Variants in GUCY1A2 observed in about 807,000 individuals in gnomAD.
GUCY1A2 encodes the protein guanylate cyclase soluble subunit alpha-2.
A neutral mutation model predicts 63.5 loss-of-function variants in GUCY1A2; 27 were observed. The observed-to-expected ratio is 0.43, with a 90% CI of 0.31 to 0.59. The LOEUF is 0.59. Ranked by LOEUF, GUCY1A2 falls within the 20% of genes least tolerant of loss-of-function variation. GUCY1A2 has a pLI of 0.11. For synonymous variants in GUCY1A2, 364 were observed against 343.5 expected (o/e 1.06, Z -0.66); for missense variants, 768 against 913.3 (o/e 0.84, Z 2.05).
At chr11:106,929,856 TATG>T (rs1426908814) in intron 4 of GUCY1A2, among the ~76,000 whole-genome samples, 71 of 150,266 alleles carry the variant, frequency 4.7e-4, no homozygotes, top group Admixed American at 1.6e-3. Flanking sequence ...CTAATTTTTA[TATG>T]ATAACTATTT....
At chr11:106,930,353 C>G (rs1349186374) in intron 4 of GUCY1A2, among the ~76,000 whole-genome samples, 1 of 152,192 alleles carries the variant, frequency 6.6e-6, no homozygotes, top group Non-Finnish European at 1.5e-5. Flanking sequence ...GAGACAGAGT[C>G]TCGCTCTGTC....
intron 3 of GUCY1A2, among the ~76,000 whole-genome samples, chr11:106,946,704 A>G (rs1308992257): frequency 6.6e-6 from 1 of 152,154 alleles, no homozygotes; most frequent in African/African-American, 2.4e-5. Flanking sequence ...AGCTAAATAT[A>G]TAAAGCAAAA....
rs992554781 is a variant in GUCY1A2 at position 106,678,026 on chromosome 11, G to C, written c.*9523C>G. 1.0e-4 allele frequency: 21 copies of C among 202,062 alleles called. No individual in the cohort carries two copies. The highest frequency in any genetic ancestry group is 3.0e-4 in the African/African-American group (13 of 43,504). The allele number at this position is 202,062 out of a possible 1,614,324, so 12.5% of individuals were successfully genotyped here. Reference sequence around the variant, plus strand: ...AAATAAATGAATTTTATGAGTGCCTGGTGACACACTTGAAACAAATTTTAA... The same window carrying C: ...AAATAAATGAATTTTATGAGTGCCTCGTGACACACTTGAAACAAATTTTAA... On this transcript the variant is annotated 3_prime_UTR_variant, in exon 8 of 8. Transcript: ENST00000526355.
intron 4 of GUCY1A2, among the ~76,000 whole-genome samples, chr11:106,849,774 A>T (rs937413034): frequency 7.2e-5 from 11 of 151,762 alleles, no homozygotes; most frequent in Non-Finnish European, 1.6e-4. Context: ...CTAATATTCC[A>T]TCCAAACTGA....
chr11:106,730,954 T>C (rs1193546108), intron 6 of GUCY1A2, among the ~76,000 whole-genome samples: 2 of 152,168 alleles, frequency 1.3e-5, no homozygotes, highest in African/African-American at 4.8e-5. Flanking sequence ...GCCCACTTTT[T>C]AATGAAGTTG....
chr11:106,691,145 CT>C (rs1173626089), intron 7 of GUCY1A2, among the ~76,000 whole-genome samples: 5 of 152,028 alleles, frequency 3.3e-5, no homozygotes, highest in South Asian at 2.1e-4. Context: ...ATCAATCAAA[CT>C]TTTTTTTAGT....
chr11:106,953,642 T>C (rs1456514062), intron 3 of GUCY1A2, among the ~76,000 whole-genome samples: 5 of 152,148 alleles, frequency 3.3e-5, no homozygotes, highest in African/African-American at 9.6e-5. Flanking sequence ...TGTGAATCCA[T>C]CTGGTCCTTG....
chr11:106,764,528 T>C (rs946355542), intron 6 of GUCY1A2, among the ~76,000 whole-genome samples: 2 of 152,222 alleles, frequency 1.3e-5, no homozygotes, highest in Non-Finnish European at 2.9e-5. Context: ...CCATGGTCCA[T>C]GATTGTTGTA....
chr11:106,714,890 A>T (rs1297648869), intron 6 of GUCY1A2, among the ~76,000 whole-genome samples: 2 of 152,214 alleles, frequency 1.3e-5, no homozygotes, highest in South Asian at 4.1e-4. Flanking sequence ...CTAGCAACCT[A>T]TTAATCTTGG....
At chr11:106,773,482 T>C (rs969289536) in intron 6 of GUCY1A2, among the ~76,000 whole-genome samples, 3 of 152,252 alleles carry the variant, frequency 2.0e-5, no homozygotes, top group African/African-American at 7.2e-5. Context: ...AAACTATTCT[T>C]GTGTGTGACT....
At chr11:106,876,365 A>G (rs1042035431) in intron 4 of GUCY1A2, among the ~76,000 whole-genome samples, 7 of 152,092 alleles carry the variant, frequency 4.6e-5, no homozygotes, top group Non-Finnish European at 7.4e-5. Flanking sequence ...AAACAGATAC[A>G]ATATAAAATA....
intron 5 of GUCY1A2, among the ~76,000 whole-genome samples, chr11:106,799,934 C>T (rs377025639): frequency 0.038 from 5,801 of 152,038 alleles, 276 homozygotes; most frequent in African/African-American, 0.11. Flanking sequence ...CAAAAGAAAC[C>T]ACCATCAGAG....
At chr11:106,713,545 T>C (rs931915925) in intron 6 of GUCY1A2, among the ~76,000 whole-genome samples, 8 of 132,288 alleles carry the variant, frequency 6.0e-5, no homozygotes, top group Non-Finnish European at 9.2e-5. Flanking sequence ...CTCGTCCTGT[T>C]GCCCAGGCTG....
intron 4 of GUCY1A2, among the ~76,000 whole-genome samples, chr11:106,913,515 T>C (rs764898575): frequency 5.9e-5 from 9 of 152,234 alleles, no homozygotes; most frequent in Non-Finnish European, 8.8e-5. Context: ...TGGTCAGTCA[T>C]GAAGGATCCA....
intron 7 of GUCY1A2, among the ~76,000 whole-genome samples, chr11:106,693,630 G>A (rs1484510706): frequency 6.6e-6 from 1 of 151,954 alleles, no homozygotes; most frequent in Non-Finnish European, 1.5e-5. Flanking sequence ...ACATTGACCT[G>A]GTAAATTAAT....
chr11:106,791,088 T>C (rs1202586622), intron 5 of GUCY1A2, among the ~76,000 whole-genome samples: 5 of 152,074 alleles, frequency 3.3e-5, no homozygotes, highest in Non-Finnish European at 7.4e-5. Context: ...GACTTTCAAG[T>C]TTATTTAAGA....
chr11:106,799,136 T>TAAATCATGAGTGAACTC (rs1864822382), intron 5 of GUCY1A2, among the ~76,000 whole-genome samples: 1 of 147,074 alleles, frequency 6.8e-6, no homozygotes, highest in Non-Finnish European at 1.5e-5. Flanking sequence ...AACAGAGAGC[T>TAAATCATGAGTGAACTC]CCATTCACAA....
chr11:106,845,530 T>G (rs1240000228), intron 4 of GUCY1A2, among the ~76,000 whole-genome samples: 1 of 151,588 alleles, frequency 6.6e-6, no homozygotes, highest in East Asian at 1.9e-4. Context: ...TGGAAGAAGT[T>G]AAAGAGCAGG....
chr11:106,768,592 A>G (rs766235940), intron 6 of GUCY1A2, among the ~76,000 whole-genome samples: 35 of 152,180 alleles, frequency 2.3e-4, no homozygotes, highest in Non-Finnish European at 4.4e-4. Context: ...TGGAAATAAT[A>G]GCAATAATTC....
Sources: allele counts gnomAD v4.1 joint callset (sites outside exome capture counted in the v4.1 genomes callset), GRCh38; gene constraint gnomAD v4.1.1; transcripts MANE v1.5; gene names NCBI Gene and HGNC (gene_info 2026-07-23, HGNC 2026-07-21).